HUS1: variants seen among roughly 807,000 people sequenced by gnomAD.
HUS1 encodes the protein checkpoint protein HUS1.
In HUS1, 31 loss-of-function variants were observed where a neutral mutation model predicts 32.6. The ratio of observed to expected loss-of-function variants is 0.95; its 90% CI spans 0.72 to 1.28. The LOEUF (loss-of-function observed/expected upper bound fraction) is 1.28, where lower values mean the gene tolerates loss of function less well. HUS1 is among the 50% of genes most tolerant of loss of function. HUS1 has a pLI of 0.00. For synonymous variants in HUS1, 123 were observed against 116.6 expected (o/e 1.06, Z -0.36); for missense variants, 340 against 337.7 (o/e 1.01, Z -0.05).
intron 7 of HUS1, 65 bp downstream of exon 7, chr7:47,967,741 T>G (rs1788508773): frequency 2.2e-6 from 3 of 1,383,208 alleles, no homozygotes; most frequent in Non-Finnish European, 3.0e-6. Context: ...TCTGTTAGAC[T>G]AGAGTTGACT....
intron 5 of HUS1, among the ~76,000 whole-genome samples, chr7:47,973,288 T>A (rs1788635561): frequency 6.6e-6 from 1 of 152,220 alleles, no homozygotes; most frequent in South Asian, 2.1e-4. Context: ...TGCTACATGA[T>A]GTGGTCTGAA....
chr7:47,977,451 A>AT (rs1788728712), intron 3 of HUS1, among the ~76,000 whole-genome samples: 1 of 152,208 alleles, frequency 6.6e-6, no homozygotes, highest in Non-Finnish European at 1.5e-5. Flanking sequence ...ACAGACCAAA[A>AT]TATCTTGCAC....
intron 6 of HUS1, among the ~76,000 whole-genome samples, chr7:47,968,205 C>A (rs1788521788): frequency 6.6e-6 from 1 of 151,730 alleles, no homozygotes; most frequent in Non-Finnish European, 1.5e-5. Context: ...TTTGTACTTA[C>A]TATGTATTTT....
At chr7:47,969,795 C>T (rs1788557088) in intron 5 of HUS1, among the ~76,000 whole-genome samples, 1 of 152,150 alleles carries the variant, frequency 6.6e-6, no homozygotes, top group Non-Finnish European at 1.5e-5. Flanking sequence ...AAAAGAGGGA[C>T]AGATCTCAGA....
At position 47,963,443 on chromosome 7, in the gene HUS1, G is replaced by A. The variant is rs1301021217; in HGVS notation, c.*1913C>T. 3.9e-5 allele frequency: 6 copies of A among 152,118 alleles called. No individual in the cohort carries two copies. The East Asian group carries it at 7.7e-4, about 19-fold the overall frequency. The allele number at this position is 152,118 out of a possible 1,614,324, so 9.4% of individuals were successfully genotyped here. ...CACATTCTCTTTAACAGCAATTTCA[G>A]TTTTATAAAACTACTTTCAGATATT... On this transcript the variant is annotated 3_prime_UTR_variant, in exon 8 of 8. Transcript: ENST00000258774.
chr7:47,965,691 G>A (rs3176604), intron 7 of HUS1, among the ~76,000 whole-genome samples: 201 of 152,292 alleles, frequency 1.3e-3, no homozygotes, highest in Admixed American at 1.0e-2. Flanking sequence ...ACACCCAGCA[G>A]GCTGGCTTCC....
At chr7:47,967,298 C>T (rs1382035135) in intron 7 of HUS1, among the ~76,000 whole-genome samples, 2 of 152,084 alleles carry the variant, frequency 1.3e-5, no homozygotes, top group Admixed American at 1.3e-4. Flanking sequence ...CAAGATGGGG[C>T]CCAGCCAGAA....
At chr7:47,979,356 C>T in intron 1 of HUS1, 112 bp downstream of exon 1, 1 of 1,313,320 alleles carries the variant, frequency 7.6e-7, no homozygotes, top group Non-Finnish European at 1.1e-6. Context: ...CCCCATCCTC[C>T]CGCGGCCCCT....
chr7:47,976,869 T>C, intron 3 of HUS1, 32 bp from the exon 4 acceptor site: 2 of 1,445,124 alleles, frequency 1.4e-6, no homozygotes. Context: ...AATATTTTTA[T>C]GTTGTTAATA....
chr7:47,978,172 CAG>C (rs1788746704), intron 3 of HUS1: 1 of 407,848 alleles, frequency 2.5e-6, no homozygotes, highest in Non-Finnish European at 4.4e-6. Flanking sequence ...CTACAAGAAA[CAG>C]AGAGGCTGGA....
intron 5 of HUS1, 26 bp downstream of exon 5, chr7:47,975,587 T>C (rs777828343): frequency 6.7e-7 from 1 of 1,496,602 alleles, no homozygotes; most frequent in Admixed American, 1.7e-5. Context: ...ACTTCAGAGT[T>C]CTTTTCTAAA....
In HUS1 at chr7:47,975,140, C is replaced by T. The variant is rs3176533; in HGVS notation, c.540+473G>A. Reference sequence around the variant, plus strand: ...CATCCTGGCTAACACGGTGAAACCCCGTCTGTACTAAAAATACGAAACAAA... The same window carrying T: ...CATCCTGGCTAACACGGTGAAACCCTGTCTGTACTAAAAATACGAAACAAA... On this transcript the variant is annotated intron_variant, in intron 5 of 7. Transcript: ENST00000258774. Among the ~76,000 whole-genome samples the T allele has an allele frequency of 1.1e-4, 15 of 137,092 alleles. No individual in the cohort carries two copies. The East Asian group carries it at 1.8e-3, about 17-fold the overall frequency. 89.9% of individuals were successfully genotyped at this position (137,092 alleles called of 152,430 possible). A position where few individuals can be genotyped will look rare whatever the true frequency, so the allele number is the denominator to read the frequency against.
chr7:47,967,824 G>A lies in HUS1; in HGVS notation c.742C>T (p.Pro248Ser). 1.2e-6 allele frequency: 2 copies of A among 1,613,654 alleles called. No homozygotes were observed. The highest frequency in any genetic ancestry group is 1.7e-6 in the Non-Finnish European group (2 of 1,179,780). Residue 248 changes from proline (P) to serine (S), a missense_variant, in exon 7 of 8, where the codon CCC (proline) becomes TCC (serine). Coordinates refer to ENST00000258774, the MANE Select transcript of HUS1 (RefSeq NM_004507.4). ...CACTCACTGCATAAGGCCTTTGTGG[G>A]ATTTACTTGTTGTCCAGCAAGAAAC... ...LQFLAGQQVN[P>S]TKALCNIVNN... is the part of the protein sequence containing the mutation.
intron 3 of HUS1, 135 bp from the exon 4 acceptor site, chr7:47,976,972 C>T: frequency 1.6e-6 from 1 of 606,396 alleles, no homozygotes; most frequent in East Asian, 2.9e-5. Context: ...CACTCAAAAG[C>T]CATTCGACCA....
chr7:47,978,184 A>G (rs1583725861), intron 3 of HUS1: 1 of 424,634 alleles, frequency 2.4e-6, no homozygotes, highest in Non-Finnish European at 4.2e-6. Flanking sequence ...GAGAGGCTGG[A>G]AGTTTCACGG....
rs1446254392 is a variant in HUS1 at position 47,965,382 on chromosome 7, G to C, written c.817C>G (p.Gln273Glu). 2.5e-6 allele frequency: 4 copies of C among 1,613,332 alleles called. No homozygotes were observed. In the South Asian group the frequency reaches 3.3e-5, roughly 13 times the overall value. Residue 273 changes from glutamine to glutamate, a missense_variant, in exon 8 of 8, where the codon CAG becomes GAG. By Grantham distance (29) the Gln-to-Glu change is conservative. Coordinates refer to ENST00000258774, the MANE Select transcript of HUS1 (RefSeq NM_004507.4). ...FDLLHEDVSLQYFIPALS is the reference protein window; with the variant it reads ...FDLLHEDVSLEYFIPALS ...TAGGACAGCGCAGGGATGAAATACT[G>C]AAGGGACACGTCTTCATGAAGCAGA...
At position 47,967,504 on chromosome 7, in the gene HUS1, T is replaced by C. The variant is rs539662959; in HGVS notation, c.760+302A>G. Among the ~76,000 whole-genome samples, 10 of 152,298 alleles carry C rather than the reference T, an allele frequency of 6.6e-5. No individual in the cohort carries two copies. The East Asian group carries it at 1.9e-3, about 29-fold the overall frequency. On this transcript the variant is annotated intron_variant, in intron 7 of 7. Coordinates refer to ENST00000258774, the MANE Select transcript of HUS1 (RefSeq NM_004507.4). The stretch of plus-strand genomic sequence containing the variant: ...GGATGATCTGCACCCATTCTCCCGA[T>C]GGCATCTCCAGGTGTGCTGGCCAAC...
chr7:47,976,323 C>T (rs1302986459), intron 4 of HUS1: 6 of 458,162 alleles, frequency 1.3e-5, no homozygotes, highest in African/African-American at 4.0e-5. Context: ...TCGGCATGAC[C>T]GTTACCCCAT....
rs111700556 is a variant in HUS1, at chr7:47,967,682, C to A, written c.760+124G>T. The A allele has an allele frequency of 2.5e-5, 24 of 951,032 alleles. No homozygotes were observed. The African/African-American group carries it at 3.4e-4, about 13-fold the overall frequency. 58.9% of individuals were successfully genotyped at this position (951,032 alleles called of 1,614,324 possible). A position where few individuals can be genotyped will look rare whatever the true frequency, so the allele number is the denominator to read the frequency against. On this transcript the variant is annotated intron_variant, in intron 7 of 7. Coordinates refer to ENST00000258774, the MANE Select transcript of HUS1 (RefSeq NM_004507.4). The stretch of plus-strand genomic sequence containing the variant: ...CACTGTTCTAGGAAGTTAAAGTCCA[C>A]ATAATTGAGCTTTTTTTTTTTTTTT...
Sources: gnomAD v4.1 joint callset for allele counts (sites outside exome capture counted in the v4.1 genomes callset) on GRCh38, gnomAD v4.1.1 for gene constraint, MANE v1.5 for transcripts, NCBI Gene and HGNC (gene_info 2026-07-23, HGNC 2026-07-21) for gene names.